The following ESRRG variants were observed in gnomAD, a reference collection of about 807,000 sequenced individuals.
ESRRG encodes estrogen related receptor gamma.
ESRRG carries 13 observed loss-of-function variants against 44.0 expected under a neutral mutation model. The observed-to-expected ratio is 0.30, with a 90% CI of 0.19 to 0.47. The LOEUF is 0.47. ESRRG is among the 20% of genes least tolerant of loss of function. ESRRG has a pLI of 1.00. For synonymous variants in ESRRG, 215 were observed against 214.6 expected, an observed-to-expected ratio of 1.00 and a Z score of -0.02; for missense variants, 395 against 580.6, an observed-to-expected ratio of 0.68 and a Z score of 3.29.
chr1:217,094,000 A>G (rs879939333), upstream of ESRRG, among the ~76,000 whole-genome samples: 36 of 152,160 alleles, frequency 2.4e-4, no homozygotes, highest in East Asian at 3.3e-3. Flanking sequence ...CTCCTGCCTC[A>G]GACTCTGGAG....
chr1:217,133,000 C>G (rs1036827338), intron 1 of ESRRG, among the ~76,000 whole-genome samples: 1 of 152,178 alleles, frequency 6.6e-6, no homozygotes, highest in Non-Finnish European at 1.5e-5. Context: ...CATCTTTACT[C>G]GCAAGGAGAA....
intron 1 of ESRRG, among the ~76,000 whole-genome samples, chr1:216,983,718 G>C (rs1272081772): frequency 8.1e-5 from 11 of 135,296 alleles, no homozygotes; most frequent in Non-Finnish European, 3.1e-5. Context: ...GTGTGTGTGT[G>C]TGTAAACAAT....
intron 1 of ESRRG, among the ~76,000 whole-genome samples, chr1:216,693,222 A>T (rs2079418905): frequency 6.6e-6 from 1 of 152,132 alleles, no homozygotes; most frequent in Non-Finnish European, 1.5e-5. Flanking sequence ...TATTTCTATA[A>T]TTACAGTTAA....
chr1:217,001,121 C>T (rs2076982987), intron 1 of ESRRG, among the ~76,000 whole-genome samples: 2 of 152,236 alleles, frequency 1.3e-5, no homozygotes, highest in African/African-American at 4.8e-5. Flanking sequence ...CTAATGTCTA[C>T]AGAAATGGTT....
At chr1:216,741,330 A>ATAGTTTATGTTTATAATTTAT (rs2090692141) in intron 2 of ESRRG, among the ~76,000 whole-genome samples, 1 of 149,290 alleles carries the variant, frequency 6.7e-6, no homozygotes, top group African/African-American at 2.5e-5. Context: ...TTTATATTAT[A>ATAGTTTATGTTTATAATTTAT]ATTATTTCTT....
intron 1 of ESRRG, among the ~76,000 whole-genome samples, chr1:216,953,504 T>C (rs948583618): frequency 6.6e-6 from 1 of 152,114 alleles, no homozygotes; most frequent in Non-Finnish European, 1.5e-5. Flanking sequence ...AAATCTCTGC[T>C]CATGCCAATG....
At chr1:216,781,778 C>T (rs1416760415) in intron 2 of ESRRG, among the ~76,000 whole-genome samples, 1 of 152,026 alleles carries the variant, frequency 6.6e-6, no homozygotes, top group Non-Finnish European at 1.5e-5. Flanking sequence ...GCAAGCCTTA[C>T]TGTTTAACTC....
In ESRRG at chr1:216,505,490, C is replaced by G. The variant is rs1414524264; in HGVS notation, c.*1449G>C. 1 of 152,340 alleles carries G rather than the reference C, an allele frequency of 6.6e-6. No homozygotes were observed. The highest frequency in any genetic ancestry group is 2.4e-5 in the African/African-American group (1 of 41,322). The allele number at this position is 152,340 out of a possible 1,614,324, so 9.4% of individuals were successfully genotyped here. A position where few individuals can be genotyped will look rare whatever the true frequency, so the allele number is the denominator to read the frequency against. On this transcript the variant is annotated 3_prime_UTR_variant, in exon 7 of 7. Coordinates refer to ENST00000408911, the MANE Select transcript of ESRRG (RefSeq NM_001438.4). ...AATTCTGGCATTTGCCTTATTGCCT[C>G]TTAAATGAATACTGGCTCACAGCTC...
chr1:216,698,518 C>CAAAAA (rs34454248), intron 1 of ESRRG, among the ~76,000 whole-genome samples: 5 of 73,874 alleles, frequency 6.8e-5, no homozygotes, highest in Non-Finnish European at 7.3e-5. Flanking sequence ...GACTCAGTCT[C>CAAAAA]AAAAAAAAAA....
intron 3 of ESRRG, among the ~76,000 whole-genome samples, chr1:216,624,071 C>T (rs1419268912): frequency 1.3e-5 from 2 of 152,106 alleles, no homozygotes; most frequent in African/African-American, 4.8e-5. Context: ...ATGGTTCCCA[C>T]TAACACCTAG....
chr1:216,682,709 A>AGTGTGTGTGTGTGTGTGTGTGTGTGTGT lies in ESRRG; in HGVS notation c.57-5246_57-5219dup, dbSNP rs72420221. Among the ~76,000 whole-genome samples the AGTGTGTGTGTGTGTGTGTGTGTGTGTGT allele has an allele frequency of 2.1e-3, 302 of 144,748 alleles. 1 individual carries two copies. The highest frequency in any genetic ancestry group is 3.8e-3 in the Non-Finnish European group (249 of 66,382). 95.0% of individuals were successfully genotyped at this position (144,748 alleles called of 152,430 possible). ...AAATAAAAAGCTCTTAATACTCTAT[A>AGTGTGTGTGTGTGTGTGTGTGTGTGTGT]GTGTGTGTGTGTGTGTGTGTGTGTG... On this transcript the variant is annotated intron_variant, in intron 1 of 6. Coordinates refer to ENST00000408911, the MANE Select transcript of ESRRG (RefSeq NM_001438.4).
At chr1:217,113,444 G>T (rs1052104100) in intron 1 of ESRRG, among the ~76,000 whole-genome samples, 2 of 152,104 alleles carry the variant, frequency 1.3e-5, no homozygotes, top group African/African-American at 4.8e-5. Context: ...GAGTAGGAGT[G>T]GGGCAGGTAA....
rs140708109 is a variant in ESRRG, at chr1:216,981,607, G to A, written c.-105-41934C>T. Among the ~76,000 whole-genome samples, 6 of 151,998 alleles carry A rather than the reference G, an allele frequency of 3.9e-5. No homozygotes were observed. The South Asian group carries it at 1.0e-3, about 26-fold the overall frequency. On this transcript the variant is annotated intron_variant, in intron 1 of 7. Transcript: ENST00000359162. ...TATAAGAGACAACAAATTATAGAAA[G>A]AAATAAAAATTAATTTATTGGTTCA...
intron 1 of ESRRG, among the ~76,000 whole-genome samples, chr1:217,067,027 T>A (rs1373009168): frequency 6.6e-6 from 1 of 152,242 alleles, no homozygotes; most frequent in East Asian, 1.9e-4. Context: ...AACAGTGAGA[T>A]GCTTGGCACT....
chr1:217,132,358 G>A (rs2092978008), intron 1 of ESRRG, among the ~76,000 whole-genome samples: 2 of 152,124 alleles, frequency 1.3e-5, no homozygotes, highest in Admixed American at 6.5e-5. Context: ...AACTGGGATT[G>A]GTTCTCAGGC....
chr1:217,098,583 T>C (rs1159535691), intron 1 of ESRRG, among the ~76,000 whole-genome samples: 1 of 152,090 alleles, frequency 6.6e-6, no homozygotes, highest in African/African-American at 2.4e-5. Flanking sequence ...TGAAGGTTGC[T>C]ACAGAGAAAC....
rs556830887 is a variant in ESRRG, at chr1:216,730,475, T to C, written c.-13-52984A>G. ...CATTTCCTTCAGGGATTCAGTTTTG[T>C]TAAATGGCCACACCTTTCCCTACTC... is the stretch of plus-strand genomic sequence containing the variant. On this transcript the variant is annotated intron_variant, in intron 2 of 7. Coordinates refer to the ESRRG transcript ENST00000359162. Among the ~76,000 whole-genome samples the C allele has an allele frequency of 5.5e-4, 84 of 152,222 alleles. 1 individual carries two copies. The highest frequency in any genetic ancestry group is 5.1e-3 in the Admixed American group (78 of 15,278).
At chr1:216,750,757 T>C (rs2091926244) in intron 2 of ESRRG, among the ~76,000 whole-genome samples, 1 of 29,446 alleles carries the variant, frequency 3.4e-5, no homozygotes, top group African/African-American at 4.3e-5. Context: ...GAGAGTTATT[T>C]ACCTTTTTTT....
chr1:216,661,486 C>T (rs1405155213), intron 2 of ESRRG, among the ~76,000 whole-genome samples: 2 of 152,174 alleles, frequency 1.3e-5, no homozygotes. Flanking sequence ...CTAATTACAT[C>T]TAATGCATTC....
Sources: allele counts gnomAD v4.1 joint callset (sites outside exome capture counted in the v4.1 genomes callset), GRCh38; gene constraint gnomAD v4.1.1; transcripts MANE v1.5; gene names NCBI Gene and HGNC (gene_info 2026-07-23, HGNC 2026-07-21).